Variants in SLC13A5 observed in about 807,000 individuals in gnomAD.
SLC13A5 encodes the protein Na(+)/citrate cotransporter.
A neutral mutation model predicts 56.5 loss-of-function variants in SLC13A5; 25 were observed. That is an observed-to-expected ratio of 0.44 (90% CI 0.32 to 0.62). The LOEUF is 0.62. Ranked by LOEUF, SLC13A5 falls within the 20% of genes least tolerant of loss-of-function variation. SLC13A5 has a pLI of 0.04. For missense variants in SLC13A5, 649 were observed against 737.8 expected (o/e 0.88, Z 1.39); for synonymous variants, 307 against 301.5 (o/e 1.02, Z -0.19).
In SLC13A5 at chr17:6,694,012, C is replaced by T. The variant is rs555139102; in HGVS notation, c.1156+85G>A. On this transcript the variant is annotated intron_variant, in intron 8 of 11. Coordinates refer to ENST00000433363, the MANE Select transcript of SLC13A5 (RefSeq NM_177550.5). ...TCTTGGATATGATGGGATTTTCTCC[C>T]TCTAGGGCCCAAGGCATCCCATAGT... 6.0e-6 allele frequency: 5 copies of T among 827,052 alleles called. No homozygotes were observed. In the Admixed American group the frequency reaches 1.1e-4, roughly 18 times the overall value. The allele number at this position is 827,052 out of a possible 1,614,324, so 51.2% of individuals were successfully genotyped here.
At chr17:6,700,144 G>A (rs924185808) in intron 6 of SLC13A5, among the ~76,000 whole-genome samples, 3 of 152,260 alleles carry the variant, frequency 2.0e-5, no homozygotes, top group East Asian at 1.9e-4. Flanking sequence ...CTATCCTGGT[G>A]TGGCCTGATC....
chr17:6,688,932 G>C (rs1312963773), intron 10 of SLC13A5: 3 of 152,154 alleles, frequency 2.0e-5, no homozygotes, highest in Non-Finnish European at 4.4e-5. Flanking sequence ...ACTATACTAT[G>C]AGCATGTTCC....
At position 6,690,893 on chromosome 17, in the gene SLC13A5, G is replaced by A. The variant is rs368369308; in HGVS notation, c.1323C>T (p.His441=). Residue 441 remains histidine (H), a synonymous_variant, in exon 10 of 12, where the codon CAC becomes CAT. Transcript: ENST00000433363. ...AGGTGATGGCTGCCGGGGGCACTGC[G>A]TGCAAGGGCTCCATCTGCTTCCCCA... ...VWMGKQMEPL[H]AVPPAAITLI... 25 of 1,614,058 alleles carry A rather than the reference G, an allele frequency of 1.5e-5. No individual in the cohort carries two copies. The highest frequency in any genetic ancestry group is 1.7e-4 in the Middle Eastern group (1 of 6,060).
At chr17:6,697,773 T>A (rs372725336) in intron 6 of SLC13A5, among the ~76,000 whole-genome samples, 1 of 152,266 alleles carries the variant, frequency 6.6e-6, no homozygotes, top group East Asian at 1.9e-4. Flanking sequence ...TAATATCCCA[T>A]GTAGTTCTTG....
chr17:6,702,934 C>T, intron 5 of SLC13A5, 36 bp downstream of exon 5: 2 of 1,605,716 alleles, frequency 1.2e-6, no homozygotes, highest in Non-Finnish European at 1.7e-6. Context: ...CCGGTACCCA[C>T]TTCGTTGTCC....
At chr17:6,702,366 C>A (rs1452422290) in intron 5 of SLC13A5, among the ~76,000 whole-genome samples, 1 of 152,200 alleles carries the variant, frequency 6.6e-6, no homozygotes, top group Non-Finnish European at 1.5e-5. Context: ...TGGCCTGCAT[C>A]CCTTTGTGGC....
At chr17:6,702,743 C>G (rs1285011334) in intron 5 of SLC13A5, among the ~76,000 whole-genome samples, 2 of 152,266 alleles carry the variant, frequency 1.3e-5, no homozygotes, top group Non-Finnish European at 1.5e-5. Context: ...CGTTAGCTCC[C>G]CTGACATCAG....
intron 6 of SLC13A5, among the ~76,000 whole-genome samples, chr17:6,697,596 T>C (rs1479316539): frequency 6.6e-6 from 1 of 152,184 alleles, no homozygotes; most frequent in Non-Finnish European, 1.5e-5. Context: ...CAGAACAGCC[T>C]TCACCATGAT....
rs535371320 is a variant in SLC13A5, at chr17:6,701,824, G to C, written c.717-698C>G. Reference sequence around the variant, plus strand: ...GCTCTGTGGGTTTCTGCAAAGAACGGTCCCCCCACTTAGCAAAGGAAATCT... The same window carrying C: ...GCTCTGTGGGTTTCTGCAAAGAACGCTCCCCCCACTTAGCAAAGGAAATCT... On this transcript the variant is annotated intron_variant, in intron 5 of 11. Coordinates refer to ENST00000433363, the MANE Select transcript of SLC13A5 (RefSeq NM_177550.5). The surrounding 1 kb of genome is among the most constrained non-coding windows in gnomAD (Gnocchi z 4.1). Among the ~76,000 whole-genome samples, 93 of 152,324 alleles carry C rather than the reference G, an allele frequency of 6.1e-4. No individual in the cohort carries two copies. In the South Asian group the frequency reaches 0.012, roughly 19 times the overall value.
chr17:6,696,338 C>T (rs532030214), intron 6 of SLC13A5, among the ~76,000 whole-genome samples: 1 of 152,310 alleles, frequency 6.6e-6, no homozygotes, highest in South Asian at 2.1e-4. Context: ...GATGCCAACC[C>T]CCATCACCAA....
At chr17:6,700,544 G>A (rs1973682171) in intron 6 of SLC13A5, among the ~76,000 whole-genome samples, 1 of 152,200 alleles carries the variant, frequency 6.6e-6, no homozygotes, top group Admixed American at 6.5e-5. Flanking sequence ...TGGCACGTGG[G>A]GACCAGCTTA....
intron 3 of SLC13A5, chr17:6,704,408 T>C: frequency 2.4e-6 from 1 of 415,688 alleles, no homozygotes; most frequent in South Asian, 1.8e-5. Context: ...TGGTGCCAAC[T>C]CAATATGAGC....
chr17:6,707,565 A>C (rs1428635420), intron 1 of SLC13A5, among the ~76,000 whole-genome samples: 1 of 152,186 alleles, frequency 6.6e-6, no homozygotes, highest in Non-Finnish European at 1.5e-5. Context: ...AGAAGGAAGA[A>C]AAGAAAGGAG....
chr17:6,686,449 T>C, intron 11 of SLC13A5, 111 bp from the exon 12 acceptor site: 4 of 1,433,404 alleles, frequency 2.8e-6, no homozygotes, highest in East Asian at 2.4e-5. Flanking sequence ...CCATGCTCTG[T>C]CCCTGGCTGG....
chr17:6,699,153 A>T (rs1461527376), intron 6 of SLC13A5, among the ~76,000 whole-genome samples: 1 of 152,086 alleles, frequency 6.6e-6, no homozygotes, highest in Non-Finnish European at 1.5e-5. Context: ...GCACATGATG[A>T]GCACTCAATA....
chr17:6,690,079 A>AAAAAAAAAAAAAAAAAC (rs1973361624), intron 10 of SLC13A5: 1 of 148,462 alleles, frequency 6.7e-6, no homozygotes, highest in East Asian at 2.0e-4. Context: ...AAAAAAAAAA[A>AAAAAAAAAAAAAAAAAC]AAAAAAAAAA....
chr17:6,701,225 C>T lies in SLC13A5; in HGVS notation c.717-99G>A, dbSNP rs901549781. On this transcript the variant is annotated intron_variant, in intron 5 of 11. Transcript: ENST00000433363. This position sits in a 1 kb window ranked among gnomAD's most constrained non-coding sequence, Gnocchi z 4.1. ...AGCAGCAGCTGGGCCCTGAGAGGCGCGCCTGTGTGGAGGCCACATCCTCCT... is the reference window on the plus strand; with the variant it reads ...AGCAGCAGCTGGGCCCTGAGAGGCGTGCCTGTGTGGAGGCCACATCCTCCT... The T allele has an allele frequency of 1.8e-5, 28 of 1,523,790 alleles. No individual in the cohort carries two copies. The highest frequency in any genetic ancestry group is 3.9e-5 in the Admixed American group (2 of 51,348). The allele number at this position is 1,523,790 out of a possible 1,614,324, so 94.4% of individuals were successfully genotyped here.
chr17:6,688,715 A>C (rs1973316558), intron 10 of SLC13A5: 1 of 152,272 alleles, frequency 6.6e-6, no homozygotes. Context: ...GGTTGCAGTG[A>C]GCCAAGATCA....
chr17:6,713,133 C>G lies in SLC13A5; in HGVS notation c.102+99G>C. On this transcript the variant is annotated intron_variant, in intron 1 of 11. Transcript: ENST00000433363. The surrounding 1 kb of genome is among the most constrained non-coding windows in gnomAD (Gnocchi z 7.3). ...CGCCCCGGGAGAGCTGTGCTCCCCG[C>G]GAAATCCGTGCGCTCCAGCTCAGGG... 1 of 1,244,016 alleles carries G rather than the reference C, an allele frequency of 8.0e-7. No homozygotes were observed. The highest frequency in any genetic ancestry group is 1.1e-6 in the Non-Finnish European group (1 of 877,666). The allele number at this position is 1,244,016 out of a possible 1,614,324, so 77.1% of individuals were successfully genotyped here. A position where few individuals can be genotyped will look rare whatever the true frequency, so the allele number is the denominator to read the frequency against.
Sources: allele counts gnomAD v4.1 joint callset (sites outside exome capture counted in the v4.1 genomes callset), GRCh38; gene constraint gnomAD v4.1.1; non-coding constraint Gnocchi (gnomAD v3.1); transcripts MANE v1.5; gene names NCBI Gene and HGNC (gene_info 2026-07-23, HGNC 2026-07-21).